KIF27: variants seen among roughly 807,000 people sequenced by gnomAD.
The protein encoded by KIF27 is kinesin-like protein KIF27.
A neutral mutation model predicts 141.8 loss-of-function variants in KIF27; 84 were observed. The ratio of observed to expected loss-of-function variants is 0.59; its 90% CI spans 0.50 to 0.71. The LOEUF (loss-of-function observed/expected upper bound fraction) is 0.71. Ranked by LOEUF, KIF27 falls within the 30% of genes least tolerant of loss-of-function variation. The pLI, the probability that KIF27 is intolerant of heterozygous loss-of-function variation, is 0.00. For missense variants in KIF27, 1,306 were observed against 1,628.4 expected (o/e 0.80, Z 3.41); for synonymous variants, 471 against 569.5 (o/e 0.83, Z 2.46).
In KIF27 at chr9:83,837,008, T is replaced by G. The variant is rs1267613573; in HGVS notation, c.4199A>C (p.Lys1400Thr). ...IEVSRKPRDL[K>T]T ...AGTTCTATTATTCAATGTCTAAGTT[T>G]TTAAGTCCCTTGGTTTCCTAGATAC... is the stretch of plus-strand genomic sequence containing the variant. The change falls in exon 18 of 18, where the codon AAA becomes ACA. Residue 1400 changes from lysine (K) to threonine (T), a missense_variant. Lys to Thr is a moderately conservative substitution (Grantham distance 78, BLOSUM62 -1). Coordinates refer to ENST00000297814, the MANE Select transcript of KIF27 (RefSeq NM_017576.4). The G allele has an allele frequency of 1.2e-6, 2 of 1,613,820 alleles. No homozygotes were observed. The highest frequency in any genetic ancestry group is 1.7e-5 in the Admixed American group (1 of 59,976).
At chr9:83,896,048 T>C (rs1359467176) in intron 5 of KIF27, among the ~76,000 whole-genome samples, 1 of 98,830 alleles carries the variant, frequency 1.0e-5, no homozygotes, top group Non-Finnish European at 1.9e-5. Context: ...TGAGACTCTG[T>C]CTCAAAAAAA....
chr9:83,904,158 A>G (rs1954246839), intron 3 of KIF27, 140 bp from the exon 4 acceptor site: 3 of 575,830 alleles, frequency 5.2e-6, no homozygotes, highest in Admixed American at 3.1e-5. Flanking sequence ...TAATAATAAC[A>G]TCAGCAACAT....
chr9:83,837,116 C>T lies in KIF27; in HGVS notation c.4091G>A (p.Arg1364His), dbSNP rs1292479233. The T allele has an allele frequency of 2.5e-6, 4 of 1,613,864 alleles. No individual in the cohort carries two copies. The highest frequency in any genetic ancestry group is 1.3e-5 in the African/African-American group (1 of 74,920). ...TPVKLCRKEL[R>H]QISALELSLR... ...TGATAGTTCCAAGGCGGAAATTTGA[C>T]GTAATTCTTTTCGACACAGTTTTAC... The change falls in exon 18 of 18, where the codon CGT (arginine) becomes CAT (histidine). Residue 1364 changes from arginine to histidine, a missense_variant. Coordinates refer to ENST00000297814, the MANE Select transcript of KIF27 (RefSeq NM_017576.4).
At chr9:83,908,417 C>G in intron 3 of KIF27, 35 bp downstream of exon 3, 1 of 1,304,836 alleles carries the variant, frequency 7.7e-7, no homozygotes, top group East Asian at 2.4e-5. Flanking sequence ...TGTCTGTTTG[C>G]TAATGAAGGC....
At chr9:83,859,447 T>C (rs910082962) in intron 13 of KIF27, 76 bp from the exon 14 acceptor site, 1 of 948,676 alleles carries the variant, frequency 1.1e-6, no homozygotes, top group Admixed American at 2.2e-5. Flanking sequence ...AGGAAAAACA[T>C]AGAGAAAATT....
Position 83,867,854 on chromosome 9 carries a change from C to A in KIF27, c.2764G>T (p.Asp922Tyr). 6.4e-7 allele frequency: 1 copy of A among 1,570,374 alleles called. No homozygotes were observed. Among genetic ancestry groups the A allele is most frequent in the Non-Finnish European group, 8.6e-7 (1 of 1,165,322 alleles). The change falls in exon 13 of 18, where the codon GAT becomes TAT. Residue 922 changes from aspartate to tyrosine, a missense_variant. Asp to Tyr is a radical substitution (Grantham distance 160). This residue lies in a region of KIF27 where 596 missense variants were observed against 751.6 expected (regional missense o/e 0.79). Coordinates refer to ENST00000297814, the MANE Select transcript of KIF27 (RefSeq NM_017576.4). ...TCATCTAACCATTTCTTTTGCTCAT[C>A]CAATTTCTACATTAAAATTAAAAAA... ...FGSIDHLQKLDEQKKWLDEEV... is the reference protein window; with the variant it reads ...FGSIDHLQKLYEQKKWLDEEV...
chr9:83,890,387 C>A (rs901605986), intron 6 of KIF27, among the ~76,000 whole-genome samples: 5 of 152,130 alleles, frequency 3.3e-5, no homozygotes, highest in African/African-American at 9.7e-5. Flanking sequence ...CTAACAAATA[C>A]AACGTACTAG....
At chr9:83,916,168 G>C (rs1955658200) in intron 1 of KIF27, among the ~76,000 whole-genome samples, 1 of 151,868 alleles carries the variant, frequency 6.6e-6, no homozygotes, top group South Asian at 2.1e-4. Flanking sequence ...GAGTAGCTGG[G>C]GTTACAGGCG....
At position 83,834,429 on chromosome 9, in the gene KIF27, A is replaced by G. The variant is rs1412140646; in HGVS notation, c.*2572T>C. 1.3e-5 allele frequency among the ~76,000 whole-genome samples: 2 copies of G among 152,070 alleles called. No homozygotes were observed. Among genetic ancestry groups the G allele is most frequent in the South Asian group, 4.1e-4 (2 of 4,826 alleles). Reference sequence around the variant, plus strand: ...ATGAAATGTCATATATATAAAGGATATATGTTTAACCAAAAGGAAGAAAAA... The same window carrying G: ...ATGAAATGTCATATATATAAAGGATGTATGTTTAACCAAAAGGAAGAAAAA... On this transcript the variant is annotated 3_prime_UTR_variant, in exon 18 of 18. Coordinates refer to ENST00000297814, the MANE Select transcript of KIF27 (RefSeq NM_017576.4).
chr9:83,849,606 A>G (rs2131665957), intron 16 of KIF27: 1 of 159,380 alleles, frequency 6.3e-6, no homozygotes, highest in South Asian at 1.8e-4. Context: ...GTGCCCATCA[A>G]TGGCAGTATA....
At chr9:83,895,262 G>GAA (rs541025571) in intron 5 of KIF27, among the ~76,000 whole-genome samples, 8 of 83,034 alleles carry the variant, frequency 9.6e-5, no homozygotes, top group Admixed American at 3.0e-4. Flanking sequence ...ACTCTGCCTC[G>GAA]AAAAAAAAAA....
At chr9:83,870,432 G>A in intron 12 of KIF27, 87 bp downstream of exon 12, 1 of 1,549,046 alleles carries the variant, frequency 6.5e-7, no homozygotes, top group East Asian at 2.4e-5. Context: ...GTCCCAAAGT[G>A]CTAGGATTAC....
At chr9:83,848,679 A>G (rs1948165070) in intron 16 of KIF27, 1 of 151,312 alleles carries the variant, frequency 6.6e-6, no homozygotes, top group African/African-American at 2.4e-5. Context: ...GGGTCCCACT[A>G]TGCTGCCCAG....
intron 15 of KIF27, among the ~76,000 whole-genome samples, chr9:83,850,786 A>G (rs1457059063): frequency 6.6e-6 from 1 of 151,648 alleles, no homozygotes; most frequent in Non-Finnish European, 1.5e-5. Context: ...TCTGTCTCAA[A>G]AAAAAAGAAT....
Position 83,854,031 on chromosome 9 carries a change from A to G in KIF27, c.3151-196T>C, listed in dbSNP as rs936204708. Among the ~76,000 whole-genome samples, 19 of 152,116 alleles carry G rather than the reference A, an allele frequency of 1.2e-4. 1 individual carries two copies. Among genetic ancestry groups the G allele is most frequent in the Admixed American group, 9.2e-4 (14 of 15,272 alleles). On this transcript the variant is annotated intron_variant, in intron 14 of 17. Transcript: ENST00000297814. ...TACATGTGTGTATACACACACATAA[A>G]CACACACACACAACATATTAACATA...
intron 11 of KIF27, among the ~76,000 whole-genome samples, chr9:83,874,321 A>G (rs1364727865): frequency 1.3e-5 from 2 of 152,164 alleles, no homozygotes; most frequent in African/African-American, 4.8e-5. Flanking sequence ...AATTTCAGGA[A>G]TTCTCATATC....
chr9:83,898,803 A>C (rs543233228), intron 5 of KIF27: 1 of 152,374 alleles, frequency 6.6e-6, no homozygotes, highest in East Asian at 1.9e-4. Context: ...AAAAAATCAG[A>C]AAATTAGCCG....
At chr9:83,838,323 TC>T (rs1401206157) in intron 17 of KIF27, among the ~76,000 whole-genome samples, 1 of 152,190 alleles carries the variant, frequency 6.6e-6, no homozygotes, top group Non-Finnish European at 1.5e-5. Flanking sequence ...AAGCTCCGCT[TC>T]CTGGGTTCAC....
chr9:83,862,656 G>A (rs375199784), intron 13 of KIF27, among the ~76,000 whole-genome samples: 19 of 152,102 alleles, frequency 1.2e-4, no homozygotes, highest in Admixed American at 8.5e-4. Flanking sequence ...TTGGCAATGC[G>A]GGCTCTTTTT....
Sources: gnomAD v4.1 joint callset for allele counts (sites outside exome capture counted in the v4.1 genomes callset) on GRCh38, gnomAD v4.1.1 for gene constraint, gnomAD v4.1.1 regional missense constraint, MANE v1.5 for transcripts, NCBI Gene and HGNC (gene_info 2026-07-23, HGNC 2026-07-21) for gene names.